ATP13A4: variants seen among roughly 807,000 people sequenced by gnomAD.
ATP13A4 encodes the protein probable cation-transporting ATPase 13A4.
A neutral mutation model predicts 142.5 loss-of-function variants in ATP13A4; 114 were observed. That is an observed-to-expected ratio of 0.80 (90% confidence interval 0.69 to 0.93). The LOEUF (loss-of-function observed/expected upper bound fraction) is 0.93. Ranked by LOEUF, ATP13A4 falls within the 40% of genes least tolerant of loss-of-function variation. The pLI is 0.00. For missense variants in ATP13A4, 1,392 were observed against 1,454.0 expected, an observed-to-expected ratio of 0.96 and a Z score of 0.69; for synonymous variants, 488 against 514.8, an observed-to-expected ratio of 0.95 and a Z score of 0.70.
At chr3:193,464,458 A>G (rs1415992220) in intron 12 of ATP13A4, among the ~76,000 whole-genome samples, 1 of 152,250 alleles carries the variant, frequency 6.6e-6, no homozygotes, top group African/African-American at 2.4e-5. Context: ...GCAATAAAGT[A>G]CAGATGGGAA....
intron 17 of ATP13A4, among the ~76,000 whole-genome samples, chr3:193,450,189 C>A (rs570512276): frequency 1.3e-5 from 2 of 151,912 alleles, no homozygotes; most frequent in East Asian, 1.9e-4. Context: ...CACTGTAACT[C>A]ACATTTTATT....
chr3:193,565,480 G>A (rs543327882), intron 2 of ATP13A4, among the ~76,000 whole-genome samples: 2 of 152,188 alleles, frequency 1.3e-5, no homozygotes, highest in Admixed American at 6.5e-5. Context: ...CCTTTGAAAG[G>A]ACATCAAAGA....
At chr3:193,510,470 T>C (rs117797440) in intron 2 of ATP13A4, among the ~76,000 whole-genome samples, 1 of 152,284 alleles carries the variant, frequency 6.6e-6, no homozygotes, top group East Asian at 1.9e-4. Flanking sequence ...AGATGGAAGC[T>C]ATGAAAATCA....
At chr3:193,553,163 C>A (rs1303106026) in intron 1 of ATP13A4, 2 of 152,182 alleles carry the variant, frequency 1.3e-5, no homozygotes, top group Admixed American at 1.3e-4. Context: ...ATTAAAGGGC[C>A]TCTCCTAACT....
intron 2 of ATP13A4, among the ~76,000 whole-genome samples, chr3:193,581,485 G>A (rs944277063): frequency 3.3e-5 from 5 of 152,252 alleles, no homozygotes; most frequent in Middle Eastern, 3.4e-3. Context: ...TATGTATAGC[G>A]TTTCCACCAT....
At position 193,412,218 on chromosome 3, in the gene ATP13A4, G is replaced by C. The variant is rs1305574819; in HGVS notation, c.3168C>G (p.Phe1056Leu). Reference sequence around the variant, plus strand: ...GCTGTCTAAATGGTTTTCCTTTAGAGAACACAAGAGCCACAGTGATACAGT... The same window carrying C: ...GCTGTCTAAATGGTTTTCCTTTAGACAACACAAGAGCCACAGTGATACAGT... ...TINCITVALV[F>L]SKGKPFRQPT... is the part of the protein sequence containing the mutation. The change falls in exon 27 of 30, where the codon TTC becomes TTG. Residue 1056 changes from phenylalanine (F) to leucine (L), a missense_variant. By Grantham distance (22) the Phe-to-Leu change is conservative. Coordinates refer to ENST00000342695, the MANE Select transcript of ATP13A4 (RefSeq NM_032279.4). 1 of 1,613,154 alleles carries C rather than the reference G, an allele frequency of 6.2e-7. No individual in the cohort carries two copies.
intron 2 of ATP13A4, among the ~76,000 whole-genome samples, chr3:193,568,658 G>A (rs990862048): frequency 2.6e-5 from 4 of 152,120 alleles, no homozygotes; most frequent in Non-Finnish European, 5.9e-5. Context: ...TCCAATAAAA[G>A]GAACAAAAGC....
intron 1 of ATP13A4, among the ~76,000 whole-genome samples, chr3:193,530,209 C>T (rs900184345): frequency 1.3e-4 from 19 of 151,132 alleles, no homozygotes; most frequent in Non-Finnish European, 2.2e-4. Flanking sequence ...GTTTTTTTTT[C>T]GGTTTTTGTT....
In ATP13A4 at chr3:193,570,512, A is replaced by G. The variant is rs183709599; in HGVS notation, n.291+11195T>C. On this transcript the variant is annotated intron_variant and non_coding_transcript_variant, in intron 2 of 3. Coordinates refer to the ATP13A4 transcript ENST00000489140. Reference sequence around the variant, plus strand: ...CAAAATCTCAATGCATTTTTATTGAATTTTTTATTTTATCATTGACAAATC... The same window carrying G: ...CAAAATCTCAATGCATTTTTATTGAGTTTTTTATTTTATCATTGACAAATC... 2.0e-5 allele frequency among the ~76,000 whole-genome samples: 3 copies of G among 152,282 alleles called. No individual in the cohort carries two copies. The East Asian group carries it at 5.8e-4, about 29-fold the overall frequency.
intron 1 of ATP13A4, among the ~76,000 whole-genome samples, chr3:193,523,189 A>C (rs1721816863): frequency 6.6e-6 from 1 of 152,094 alleles, no homozygotes; most frequent in African/African-American, 2.4e-5. Context: ...CTGTAATCCC[A>C]GCTACTCAGG....
rs376492235 is a variant in ATP13A4 at position 193,527,049 on chromosome 3, CTT to C, written c.61-12180_61-12179del. 6.6e-5 allele frequency among the ~76,000 whole-genome samples: 10 copies of C among 152,264 alleles called. 1 individual carries two copies. Among genetic ancestry groups the C allele is most frequent in the African/African-American group, 2.4e-4 (10 of 41,528 alleles). ...AGTCCTTGGACCCATAGCAATAACT[CTT>C]AAGACATCAAGAGTTGCGGCCCACA... On this transcript the variant is annotated intron_variant, in intron 1 of 29. Transcript: ENST00000342695.
intron 25 of ATP13A4, among the ~76,000 whole-genome samples, chr3:193,416,112 T>C (rs1306955327): frequency 6.6e-6 from 1 of 152,210 alleles, no homozygotes; most frequent in Non-Finnish European, 1.5e-5. Context: ...TATCAAAACA[T>C]TAGCTGAACA....
intron 2 of ATP13A4, among the ~76,000 whole-genome samples, chr3:193,576,417 G>A (rs1415469961): frequency 3.3e-5 from 5 of 150,052 alleles, no homozygotes; most frequent in East Asian, 2.0e-4. Flanking sequence ...GACTACAGGC[G>A]CCCGCCACCG....
At chr3:193,451,362 C>T (rs570691645) in intron 17 of ATP13A4, among the ~76,000 whole-genome samples, 2 of 152,350 alleles carry the variant, frequency 1.3e-5, no homozygotes, top group Admixed American at 6.5e-5. Flanking sequence ...GTTCCTCTGG[C>T]TTATGGCCTT....
intron 25 of ATP13A4, among the ~76,000 whole-genome samples, chr3:193,421,562 A>C (rs912034914): frequency 6.7e-6 from 1 of 149,980 alleles, no homozygotes; most frequent in Non-Finnish European, 1.5e-5. Flanking sequence ...CTCTAGTATG[A>C]AGTCTAAAAG....
chr3:193,416,689 A>T (rs1225586291), intron 25 of ATP13A4, among the ~76,000 whole-genome samples: 1 of 152,162 alleles, frequency 6.6e-6, no homozygotes, highest in Non-Finnish European at 1.5e-5. Context: ...ACAGAAAAAA[A>T]AATGATAAAC....
At chr3:193,563,179 T>C (rs1724055297) in intron 2 of ATP13A4, among the ~76,000 whole-genome samples, 1 of 152,148 alleles carries the variant, frequency 6.6e-6, no homozygotes, top group Admixed American at 6.5e-5. Flanking sequence ...AAAAACACAA[T>C]TGAACAGCTT....
At chr3:193,549,542 C>T (rs1023869773) in intron 1 of ATP13A4, among the ~76,000 whole-genome samples, 1 of 151,666 alleles carries the variant, frequency 6.6e-6, no homozygotes, top group Non-Finnish European at 1.5e-5. Flanking sequence ...TTAAAAAATA[C>T]ATATTGGCCA....
intron 10 of ATP13A4, among the ~76,000 whole-genome samples, 162 bp from the exon 11 acceptor site, chr3:193,466,344 G>A (rs754898696): frequency 5.3e-5 from 8 of 152,194 alleles, no homozygotes; most frequent in Non-Finnish European, 1.0e-4. Flanking sequence ...ATGCTGGAAC[G>A]GAAATCTCTA....
Sources: allele counts gnomAD v4.1 joint callset (sites outside exome capture counted in the v4.1 genomes callset), GRCh38; gene constraint gnomAD v4.1.1; transcripts MANE v1.5; gene names NCBI Gene and HGNC (gene_info 2026-07-23, HGNC 2026-07-21).